CTDSP2: variants seen among roughly 807,000 people sequenced by gnomAD.
The protein encoded by CTDSP2 is carboxy-terminal domain RNA polymerase II polypeptide A small phosphatase 2.
Under a neutral mutation model 31.6 loss-of-function variants are expected in CTDSP2, and 9 were observed. That is an observed-to-expected ratio of 0.28 (90% CI 0.17 to 0.50). The LOEUF (loss-of-function observed/expected upper bound fraction) is 0.50. CTDSP2 is among the 20% of genes least tolerant of loss of function. The pLI, the probability that CTDSP2 is intolerant of heterozygous loss-of-function variation, is 0.98. For synonymous variants in CTDSP2, 134 were observed against 134.5 expected (o/e 1.00, Z 0.03); for missense variants, 267 against 348.5 (o/e 0.77, Z 1.86).
chr12:57,845,293 T>A (rs548302337), intron 1 of CTDSP2: 2 of 152,258 alleles, frequency 1.3e-5, no homozygotes, highest in East Asian at 3.9e-4. Flanking sequence ...AATCTGCCGC[T>A]ATTTTGGACA....
At chr12:57,836,550 G>C (rs756644626) in intron 1 of CTDSP2, among the ~76,000 whole-genome samples, 2 of 152,170 alleles carry the variant, frequency 1.3e-5, no homozygotes, top group Non-Finnish European at 2.9e-5. Context: ...GCTGAAGTGG[G>C]AGAATCACCG....
In CTDSP2 at chr12:57,822,332, C is replaced by T. The variant is rs1167669837; in HGVS notation, c.*1270G>A. On this transcript the variant is annotated 3_prime_UTR_variant, in exon 8 of 8. Transcript: ENST00000398073. ...AGCAGGAGACACCCAGAGTGCAGGT[C>T]TGAGGGGCTCACTCACTCCTGTTAC... is the stretch of plus-strand genomic sequence containing the variant. 6.6e-6 allele frequency: 1 copy of T among 152,252 alleles called. No homozygotes were observed. Among genetic ancestry groups the T allele is most frequent in the Non-Finnish European group, 1.5e-5 (1 of 68,058 alleles). The allele number at this position is 152,252 out of a possible 1,614,324, so 9.4% of individuals were successfully genotyped here. A position where few individuals can be genotyped will look rare whatever the true frequency, so the allele number is the denominator to read the frequency against.
intron 1 of CTDSP2, chr12:57,837,032 G>A (rs901260633): frequency 5.3e-5 from 8 of 152,236 alleles, no homozygotes; most frequent in African/African-American, 4.8e-5. Flanking sequence ...GGAGGAAGGA[G>A]AGTATTTGGA....
At chr12:57,844,966 CCA>C (rs1435215608) in intron 1 of CTDSP2, among the ~76,000 whole-genome samples, 1 of 151,600 alleles carries the variant, frequency 6.6e-6, no homozygotes, top group Non-Finnish European at 1.5e-5. Context: ...GCTGACACCA[CCA>C]ACTCAGCGGA....
chr12:57,844,660 G>C (rs181895582), intron 1 of CTDSP2, among the ~76,000 whole-genome samples: 21 of 152,090 alleles, frequency 1.4e-4, no homozygotes, highest in African/African-American at 4.8e-4. Context: ...ACACACGCAG[G>C]CTCCCTTCCT....
chr12:57,846,681 G>C lies in CTDSP2; in HGVS notation c.-246C>G, dbSNP rs1956320088. On this transcript the variant is annotated 5_prime_UTR_variant, in exon 1 of 8. Coordinates refer to ENST00000398073, the MANE Select transcript of CTDSP2 (RefSeq NM_005730.4). ...CCCCGATCCCCCAGCGGCAGCTCCG[G>C]GCTCCTCAGTTTGGGTCCAACATGG... 4.7e-6 allele frequency: 2 copies of C among 429,480 alleles called. No homozygotes were observed. The highest frequency in any genetic ancestry group is 8.8e-5 in the South Asian group (2 of 22,622). The allele number at this position is 429,480 out of a possible 1,614,324, so 26.6% of individuals were successfully genotyped here. A position where few individuals can be genotyped will look rare whatever the true frequency, so the allele number is the denominator to read the frequency against.
chr12:57,821,680 A>G lies in CTDSP2; in HGVS notation c.*1922T>C, dbSNP rs111881436. The G allele has an allele frequency of 4.0e-3, 604 of 152,296 alleles. 17 individuals carry two copies. In the South Asian group the frequency reaches 0.07, roughly 18 times the overall value. 9.4% of individuals were successfully genotyped at this position (152,296 alleles called of 1,614,324 possible). On this transcript the variant is annotated 3_prime_UTR_variant, in exon 8 of 8. Transcript: ENST00000398073. ...GTCTGAGCTCCTGCTTTCCTTCAAG[A>G]GACAGTATATTTCTGGCTAGCACAT...
intron 1 of CTDSP2, among the ~76,000 whole-genome samples, chr12:57,839,752 C>A (rs1441157236): frequency 6.6e-6 from 1 of 152,014 alleles, no homozygotes. Flanking sequence ...CCAGACAATG[C>A]AAATGTCTGG....
At chr12:57,829,051 C>T (rs578139469) in intron 2 of CTDSP2, among the ~76,000 whole-genome samples, 1 of 152,348 alleles carries the variant, frequency 6.6e-6, no homozygotes, top group South Asian at 2.1e-4. Flanking sequence ...AATCCTGACA[C>T]TACTATTTAT....
At chr12:57,830,413 A>G (rs1312428269) in intron 1 of CTDSP2, among the ~76,000 whole-genome samples, 2 of 151,856 alleles carry the variant, frequency 1.3e-5, no homozygotes, top group Non-Finnish European at 2.9e-5. Context: ...ACAAACAAAC[A>G]AACAAAACCA....
chr12:57,837,414 G>A (rs1015674991), intron 1 of CTDSP2, among the ~76,000 whole-genome samples: 1 of 152,192 alleles, frequency 6.6e-6, no homozygotes, highest in African/African-American at 2.4e-5. Flanking sequence ...CTAACTGCAT[G>A]GGCATTTTTT....
chr12:57,838,713 G>A (rs2140482752), intron 1 of CTDSP2, among the ~76,000 whole-genome samples: 1 of 152,364 alleles, frequency 6.6e-6, no homozygotes, highest in South Asian at 2.1e-4. Context: ...AAGGCACCCA[G>A]ACTTGAGTTC....
intron 5 of CTDSP2, among the ~76,000 whole-genome samples, chr12:57,825,601 T>C (rs145194107): frequency 5.6e-4 from 86 of 152,350 alleles, no homozygotes; most frequent in Middle Eastern, 6.8e-3. Context: ...GCGCTGGGCA[T>C]GGCAGGCCTT....
Position 57,820,993 on chromosome 12 carries a change from G to A in CTDSP2, c.*2609C>T, listed in dbSNP as rs1956141512. 1 of 152,226 alleles carries A rather than the reference G, an allele frequency of 6.6e-6. No individual in the cohort carries two copies. The highest frequency in any genetic ancestry group is 1.5e-5 in the Non-Finnish European group (1 of 68,058). The allele number at this position is 152,226 out of a possible 1,614,324, so 9.4% of individuals were successfully genotyped here. A position where few individuals can be genotyped will look rare whatever the true frequency, so the allele number is the denominator to read the frequency against. On this transcript the variant is annotated 3_prime_UTR_variant, in exon 8 of 8. Transcript: ENST00000398073. ...GCCTCCCAAAGACCAGTCTCAAGTG[G>A]GAGGGGCTGATGGTGGGAAGCCCTA...
chr12:57,832,105 A>G (rs976986436), intron 1 of CTDSP2, among the ~76,000 whole-genome samples: 4 of 152,222 alleles, frequency 2.6e-5, no homozygotes, highest in Non-Finnish European at 4.4e-5. Context: ...GTGCAGGCTC[A>G]GCCTCCCCAG....
At position 57,822,533 on chromosome 12, in the gene CTDSP2, G is replaced by GA. The variant is rs1424594483; in HGVS notation, c.*1068dup. 6.6e-6 allele frequency: 1 copy of GA among 152,322 alleles called. No homozygotes were observed. 9.4% of individuals were successfully genotyped at this position (152,322 alleles called of 1,614,324 possible). On this transcript the variant is annotated 3_prime_UTR_variant, in exon 8 of 8. Coordinates refer to ENST00000398073, the MANE Select transcript of CTDSP2 (RefSeq NM_005730.4). ...CAGGCCCTGGGGGAAGACACAACAG[G>GA]AAAAGAGCCCTGCCCAAGAAATGGG...
intron 1 of CTDSP2, among the ~76,000 whole-genome samples, chr12:57,830,749 G>A (rs1302085035): frequency 2.0e-5 from 3 of 151,990 alleles, no homozygotes; most frequent in South Asian, 2.1e-4. Context: ...TATTTTTATT[G>A]ATTTATTTAT....
chr12:57,845,776 G>A (rs1449096132), intron 1 of CTDSP2, among the ~76,000 whole-genome samples: 1 of 152,168 alleles, frequency 6.6e-6, no homozygotes, highest in East Asian at 1.9e-4. Context: ...GCGCTGAGCC[G>A]GGAACCCGCC....
Position 57,844,689 on chromosome 12 carries a change from G to A in CTDSP2, c.64+1683C>T, listed in dbSNP as rs184947448. On this transcript the variant is annotated intron_variant, in intron 1 of 7. Coordinates refer to ENST00000398073, the MANE Select transcript of CTDSP2 (RefSeq NM_005730.4). The stretch of plus-strand genomic sequence containing the variant: ...CCTTCCTTTTTCAGCCATCAGCACA[G>A]TTGAGCAGCCAGCAGAGGCGGTGAA... Among the ~76,000 whole-genome samples the A allele has an allele frequency of 6.6e-3, 1,006 of 152,216 alleles. 10 individuals carry two copies. Among genetic ancestry groups the A allele is most frequent in the African/African-American group, 0.023 (964 of 41,490 alleles).
Sources: allele counts gnomAD v4.1 joint callset (sites outside exome capture counted in the v4.1 genomes callset), GRCh38; gene constraint gnomAD v4.1.1; transcripts MANE v1.5; gene names NCBI Gene and HGNC (gene_info 2026-07-23, HGNC 2026-07-21).